CAPS2: variants seen among roughly 807,000 people sequenced by gnomAD.
CAPS2 encodes calcyphosine 2.
A neutral mutation model predicts 86.5 loss-of-function variants in CAPS2; 98 were observed. That is an observed-to-expected ratio of 1.13 (90% confidence interval 0.96 to 1.34). The LOEUF (loss-of-function observed/expected upper bound fraction) is 1.34, where lower values mean the gene tolerates loss of function less well. Ranked by LOEUF, CAPS2 falls within the 40% of genes most tolerant of loss-of-function variation. The pLI is 0.00. For missense variants in CAPS2, 729 were observed against 686.8 expected, an observed-to-expected ratio of 1.06 and a Z score of -0.69; for synonymous variants, 210 against 225.1, an observed-to-expected ratio of 0.93 and a Z score of 0.60.
intron 11 of CAPS2, among the ~76,000 whole-genome samples, chr12:75,296,032 T>C (rs1459676057): frequency 6.6e-6 from 1 of 152,110 alleles, no homozygotes; most frequent in Non-Finnish European, 1.5e-5. Flanking sequence ...AGTGATAAAG[T>C]GAAATATTAT....
At chr12:75,288,868 T>C (rs370108238) in intron 14 of CAPS2, among the ~76,000 whole-genome samples, 118 of 152,184 alleles carry the variant, frequency 7.8e-4, no homozygotes, top group Middle Eastern at 3.4e-3. Context: ...TCAGAAAATA[T>C]TTACAAAGTG....
At chr12:75,363,200 AATATAT>A in intron 1 of CAPS2, 1 of 1,225,076 alleles carries the variant, frequency 8.2e-7, no homozygotes, top group Non-Finnish European at 1.1e-6. Flanking sequence ...AGTAAGCAAA[AATATAT>A]ATATATAATT....
intron 5 of CAPS2, among the ~76,000 whole-genome samples, chr12:75,317,850 T>TA (rs1424162554): frequency 6.6e-6 from 1 of 152,128 alleles, no homozygotes; most frequent in Non-Finnish European, 1.5e-5. Context: ...TTAAGACATT[T>TA]AAAATCTGCC....
At chr12:75,305,612 G>T in intron 7 of CAPS2, 3 of 614,046 alleles carry the variant, frequency 4.9e-6, no homozygotes, top group South Asian at 2.8e-5. Flanking sequence ...GGCCCCGAGC[G>T]ACCGGAAGGC....
At chr12:75,305,173 T>C (rs896692821) in intron 7 of CAPS2, among the ~76,000 whole-genome samples, 1 of 152,178 alleles carries the variant, frequency 6.6e-6, no homozygotes, top group Non-Finnish European at 1.5e-5. Context: ...TTTCTGATCA[T>C]GTGGGAGGTG....
upstream of CAPS2, among the ~76,000 whole-genome samples, chr12:75,328,456 G>A (rs2040992491): frequency 6.6e-6 from 1 of 152,082 alleles, no homozygotes; most frequent in East Asian, 1.9e-4. Flanking sequence ...TCCCCAGTCA[G>A]GACAGTCTTC....
At chr12:75,351,924 G>T (rs1593746908) in intron 1 of CAPS2, among the ~76,000 whole-genome samples, 1 of 150,004 alleles carries the variant, frequency 6.7e-6, no homozygotes, top group East Asian at 1.9e-4. Flanking sequence ...AAGCGAAGGA[G>T]AAATGAGATT....
chr12:75,343,895 T>C, intron 1 of CAPS2: 1 of 1,612,134 alleles, frequency 6.2e-7, no homozygotes, highest in Non-Finnish European at 8.5e-7. Flanking sequence ...TTTTATGATT[T>C]TGATAGTCTA....
chr12:75,306,508 T>A (rs1240873043), intron 7 of CAPS2, among the ~76,000 whole-genome samples: 4 of 152,212 alleles, frequency 2.6e-5, no homozygotes, highest in Admixed American at 6.5e-5. Context: ...TAATGCAATG[T>A]TGTCATTTGG....
At chr12:75,318,587 C>A (rs2040003916) in intron 5 of CAPS2, among the ~76,000 whole-genome samples, 1 of 152,082 alleles carries the variant, frequency 6.6e-6, no homozygotes, top group South Asian at 2.1e-4. Flanking sequence ...TTTCTCTTGA[C>A]TAGCCTGCTC....
chr12:75,390,772 TC>T, intron 1 of CAPS2: 1 of 516,548 alleles, frequency 1.9e-6, no homozygotes, highest in South Asian at 1.5e-5. Context: ...GACATATCAT[TC>T]AGTGTCAGAA....
chr12:75,347,752 ATTGAAATTAATG>A, intron 1 of CAPS2: 1 of 1,425,776 alleles, frequency 7.0e-7, no homozygotes, highest in Non-Finnish European at 9.8e-7. Flanking sequence ...AAATATTTTA[ATTGAAATTAATG>A]TTGATGATGG....
chr12:75,363,172 T>C (rs772623244), intron 1 of CAPS2: 1 of 1,536,112 alleles, frequency 6.5e-7, no homozygotes, highest in Non-Finnish European at 8.7e-7. Context: ...AGAAGAGAAA[T>C]GTGTAAAGAA....
chr12:75,311,712 C>CA (rs2039221685), intron 7 of CAPS2, among the ~76,000 whole-genome samples: 3 of 9,992 alleles, frequency 3.0e-4, no homozygotes, highest in African/African-American at 9.5e-4. Context: ...AAAAAAAAAA[C>CA]AAAAAAAAAA....
chr12:75,327,183 T>C (rs956352213), upstream of CAPS2, among the ~76,000 whole-genome samples: 21 of 152,214 alleles, frequency 1.4e-4, no homozygotes, highest in African/African-American at 4.8e-4. Flanking sequence ...AGAAAACTAA[T>C]GCATCTCCCT....
chr12:75,309,231 A>G (rs778545813), intron 7 of CAPS2, among the ~76,000 whole-genome samples: 14 of 152,170 alleles, frequency 9.2e-5, no homozygotes, highest in Non-Finnish European at 1.9e-4. Context: ...AAAAGGACCC[A>G]AAGTACCAAA....
chr12:75,318,624 T>G (rs1007993548), intron 5 of CAPS2, among the ~76,000 whole-genome samples: 3 of 152,130 alleles, frequency 2.0e-5, no homozygotes, highest in Admixed American at 1.3e-4. Flanking sequence ...AATGCTATCT[T>G]ATCTAAAGGT....
At chr12:75,369,589 T>A in intron 1 of CAPS2, 1 of 978,026 alleles carries the variant, frequency 1.0e-6, no homozygotes, top group South Asian at 4.7e-5. Flanking sequence ...CAGAAATGAA[T>A]GAGATTGTTA....
intron 11 of CAPS2, among the ~76,000 whole-genome samples, chr12:75,293,913 G>A (rs528669436): frequency 1.1e-4 from 17 of 152,244 alleles, no homozygotes; most frequent in Middle Eastern, 3.4e-3. Context: ...CAAAGCCAGT[G>A]TAAGGACAAA....
Sources: allele counts gnomAD v4.1 joint callset (sites outside exome capture counted in the v4.1 genomes callset), GRCh38; gene constraint gnomAD v4.1.1; transcripts MANE v1.5; gene names NCBI Gene and HGNC (gene_info 2026-07-23, HGNC 2026-07-21).